Variants in PARG observed in about 807,000 individuals in gnomAD.
The protein encoded by PARG is mitochondrial poly(ADP-ribose) glycohydrolase.
Under a neutral mutation model 113.0 loss-of-function variants are expected in PARG, and 35 were observed. That is an observed-to-expected ratio of 0.31 (90% CI 0.24 to 0.41). The LOEUF (loss-of-function observed/expected upper bound fraction) is 0.41. Among genes scored for constraint, PARG ranks in the 10% least tolerant of loss-of-function variants. The probability of loss-of-function intolerance (pLI) is 1.00; values close to 1 mark genes in which losing one functional copy is unlikely to be tolerated. For missense variants in PARG, 797 were observed against 1,169.4 expected (o/e 0.68, Z 4.64); for synonymous variants, 330 against 409.9 (o/e 0.81, Z 2.36).
At chr10:49,881,873 A>C (rs1333763500) in intron 8 of PARG, among the ~76,000 whole-genome samples, 4 of 152,214 alleles carry the variant, frequency 2.6e-5, no homozygotes, top group African/African-American at 9.6e-5. Context: ...AAAAATAGAG[A>C]GCTCATATTG....
At chr10:49,911,534 T>C (rs554710380) in intron 7 of PARG, among the ~76,000 whole-genome samples, 1 of 152,322 alleles carries the variant, frequency 6.6e-6, no homozygotes, top group East Asian at 1.9e-4. Context: ...AGACCAATAT[T>C]AGCCCTGAAG....
chr10:49,938,145 T>C (rs1438545547), intron 1 of PARG, among the ~76,000 whole-genome samples: 1 of 152,238 alleles, frequency 6.6e-6, no homozygotes, highest in Non-Finnish European at 1.5e-5. Flanking sequence ...TAGTACCACC[T>C]TGGTCCAGTT....
intron 4 of PARG, among the ~76,000 whole-genome samples, chr10:49,929,653 C>A (rs1838390014): frequency 6.6e-6 from 1 of 152,082 alleles, no homozygotes; most frequent in East Asian, 1.9e-4. Flanking sequence ...CATGGAGAAA[C>A]CCCGTCTCTA....
chr10:49,904,917 AAAATAAATAAAT>A (rs60426487), intron 7 of PARG, among the ~76,000 whole-genome samples: 1 of 147,802 alleles, frequency 6.8e-6, no homozygotes, highest in Non-Finnish European at 1.5e-5. Context: ...GAACATCTCA[AAAATAAATAAAT>A]AAATAAATAA....
chr10:49,927,410 GAAA>G, intron 4 of PARG, among the ~76,000 whole-genome samples: 1 of 113,312 alleles, frequency 8.8e-6, no homozygotes, highest in Non-Finnish European at 2.1e-5. Context: ...AAGAAAGAAA[GAAA>G]GAAAGAAAAA....
chr10:49,856,781 G>A (rs1348800005), intron 13 of PARG, among the ~76,000 whole-genome samples: 3 of 151,932 alleles, frequency 2.0e-5, no homozygotes, highest in Admixed American at 6.6e-5. Flanking sequence ...AGGCCGAGGC[G>A]GGCGGATCAC....
At chr10:49,836,592 T>C (rs1554831156) in intron 15 of PARG, among the ~76,000 whole-genome samples, 1 of 152,182 alleles carries the variant, frequency 6.6e-6, no homozygotes, top group Non-Finnish European at 1.5e-5. Flanking sequence ...ATTCTATATA[T>C]TGGGAAACTT....
At chr10:49,934,843 C>A in intron 2 of PARG, among the ~76,000 whole-genome samples, 1 of 149,082 alleles carries the variant, frequency 6.7e-6, no homozygotes, top group African/African-American at 2.5e-5. Context: ...AGTGAGACTC[C>A]ATCTCAAAAA....
intron 17 of PARG, among the ~76,000 whole-genome samples, 183 bp from the exon 18 acceptor site, chr10:49,819,677 A>C (rs1239939952): frequency 6.6e-6 from 1 of 152,084 alleles, no homozygotes; most frequent in African/African-American, 2.4e-5. Context: ...GATTTTTAAC[A>C]CTCTTTAAAG....
chr10:49,887,547 A>G (rs1847555888), intron 7 of PARG, among the ~76,000 whole-genome samples: 1 of 152,176 alleles, frequency 6.6e-6, no homozygotes, highest in South Asian at 2.1e-4. Flanking sequence ...GAAACATACA[A>G]GTCTTTTGAA....
At chr10:49,844,265 T>C (rs1845391663) in intron 13 of PARG, among the ~76,000 whole-genome samples, 1 of 152,074 alleles carries the variant, frequency 6.6e-6, no homozygotes, top group Non-Finnish European at 1.5e-5. Context: ...TAAACATTTT[T>C]TAAAAATCCA....
chr10:49,909,660 G>C (rs190099182), intron 7 of PARG: 108 of 169,254 alleles, frequency 6.4e-4, no homozygotes, highest in Middle Eastern at 3.1e-3. Context: ...AGCATAAGTG[G>C]GGTCTCCAGA....
chr10:49,831,639 A>G (rs989921952), intron 16 of PARG, among the ~76,000 whole-genome samples: 3 of 152,146 alleles, frequency 2.0e-5, no homozygotes, highest in Admixed American at 2.0e-4. Flanking sequence ...TTGGTCACCA[A>G]AGGTCAGTGC....
intron 6 of PARG, among the ~76,000 whole-genome samples, chr10:49,920,464 ATATATATATATAT>A (rs1434747153): frequency 6.3e-4 from 29 of 45,738 alleles, no homozygotes; most frequent in Middle Eastern, 0.011. Context: ...AAAAAAAAAA[ATATATATATATAT>A]ATATATATAT....
chr10:49,937,338 T>C (rs1448317717), intron 1 of PARG, among the ~76,000 whole-genome samples: 1 of 151,910 alleles, frequency 6.6e-6, no homozygotes, highest in Non-Finnish European at 1.5e-5. Flanking sequence ...TAGCCAGACG[T>C]GGTGGCGGGC....
intron 7 of PARG, 150 bp downstream of exon 7, chr10:49,915,767 G>T: frequency 1.7e-6 from 1 of 579,926 alleles, no homozygotes; most frequent in Non-Finnish European, 3.1e-6. Context: ...ACTCCTAATT[G>T]TATTTACCTA....
chr10:49,919,081 C>T (rs1292443464), intron 6 of PARG, among the ~76,000 whole-genome samples: 1 of 152,018 alleles, frequency 6.6e-6, no homozygotes, highest in Non-Finnish European at 1.5e-5. Flanking sequence ...GCGGGCATTA[C>T]AGGCACCCAC....
At chr10:49,906,329 C>T (rs138468298) in intron 7 of PARG, among the ~76,000 whole-genome samples, 629 of 151,774 alleles carry the variant, frequency 4.1e-3, no homozygotes, top group East Asian at 0.016. Flanking sequence ...CCATTAAGGC[C>T]GCCTTCTGCT....
chr10:49,920,236 T>G (rs1837720953), intron 6 of PARG, among the ~76,000 whole-genome samples: 1 of 150,794 alleles, frequency 6.6e-6, no homozygotes, highest in Admixed American at 6.6e-5. Flanking sequence ...AGCCCAGGAG[T>G]TGGAGACCAG....
Sources: allele counts gnomAD v4.1 joint callset (sites outside exome capture counted in the v4.1 genomes callset), GRCh38; gene constraint gnomAD v4.1.1; transcripts MANE v1.5; gene names NCBI Gene and HGNC (gene_info 2026-07-23, HGNC 2026-07-21).